SHB: variants seen among roughly 807,000 people sequenced by gnomAD.
SHB encodes SH2 domain-containing adapter protein B.
SHB carries 20 observed loss-of-function variants against 52.3 expected under a neutral mutation model. The observed-to-expected ratio is 0.38, with a 90% CI of 0.27 to 0.56. The LOEUF (loss-of-function observed/expected upper bound fraction) is 0.56. Ranked by LOEUF, SHB falls within the 20% of genes least tolerant of loss-of-function variation. The pLI, the probability that SHB is intolerant of heterozygous loss-of-function variation, is 0.71. For missense variants in SHB, 825 were observed against 723.3 expected (o/e 1.14, Z -1.61); for synonymous variants, 397 against 316.5 (o/e 1.25, Z -2.70).
In SHB at chr9:38,068,004, G is replaced by C. The variant is rs893148149; in HGVS notation, c.642C>G (p.Ala214=). ...CAGGRTWSPT[A]CGGKKLLNKC... The stretch of plus-strand genomic sequence containing the variant: ...TGTTGAGCAGTTTCTTGCCTCCGCA[G>C]GCCGTCGGGCTCCAGGTGCGGCCGC... Residue 214 remains alanine (A), a synonymous_variant, in exon 1 of 6, where the codon GCC becomes GCG. Coordinates refer to ENST00000377707, the MANE Select transcript of SHB (RefSeq NM_003028.3). 6.5e-7 allele frequency: 1 copy of C among 1,528,034 alleles called. No homozygotes were observed. Among genetic ancestry groups the C allele is most frequent in the Admixed American group, 2.0e-5 (1 of 49,898 alleles). The allele number at this position is 1,528,034 out of a possible 1,614,324, so 94.7% of individuals were successfully genotyped here. A position where few individuals can be genotyped will look rare whatever the true frequency, so the allele number is the denominator to read the frequency against.
chr9:37,950,872 T>C (rs1156342880), intron 4 of SHB, among the ~76,000 whole-genome samples: 1 of 152,208 alleles, frequency 6.6e-6, no homozygotes, highest in Non-Finnish European at 1.5e-5. Flanking sequence ...CCACCTACAA[T>C]GGTTGCAGGC....
chr9:37,920,550 C>A (rs1162907797), intron 5 of SHB, among the ~76,000 whole-genome samples: 3 of 152,216 alleles, frequency 2.0e-5, no homozygotes, highest in Non-Finnish European at 4.4e-5. Context: ...GCCACCCAGC[C>A]AGGGACTACA....
At chr9:37,992,231 T>A (rs1263345231) in intron 2 of SHB, among the ~76,000 whole-genome samples, 1 of 151,842 alleles carries the variant, frequency 6.6e-6, no homozygotes, top group African/African-American at 2.4e-5. Context: ...TGAAACCCCG[T>A]CTCTACTAAA....
At chr9:38,066,967 A>C (rs964834269) in intron 1 of SHB, among the ~76,000 whole-genome samples, 4 of 152,190 alleles carry the variant, frequency 2.6e-5, no homozygotes, top group South Asian at 4.1e-4. Flanking sequence ...ACCGGGCCTC[A>C]GATTTAATCA....
At chr9:37,938,015 T>C (rs1360735804) in intron 5 of SHB, among the ~76,000 whole-genome samples, 2 of 152,184 alleles carry the variant, frequency 1.3e-5, no homozygotes, top group Non-Finnish European at 2.9e-5. Context: ...CACGTGAAGT[T>C]AGCTGCTTCA....
At chr9:37,940,779 G>C (rs1385955079) in intron 5 of SHB, among the ~76,000 whole-genome samples, 1 of 152,168 alleles carries the variant, frequency 6.6e-6, no homozygotes, top group Non-Finnish European at 1.5e-5. Context: ...CAAGATTTCT[G>C]CTTAGGGTAT....
At chr9:37,989,278 A>G (rs1820851135) in intron 2 of SHB, among the ~76,000 whole-genome samples, 1 of 152,202 alleles carries the variant, frequency 6.6e-6, no homozygotes, top group African/African-American at 2.4e-5. Context: ...ATGAGGAATT[A>G]TCTTTATCAC....
At chr9:37,992,524 AAGAGGCTTACACTTC>A (rs143722632) in intron 2 of SHB, among the ~76,000 whole-genome samples, 4,208 of 152,316 alleles carry the variant, frequency 0.028, 181 homozygotes, top group African/African-American at 0.095. Flanking sequence ...CACTAGGCTA[AAGAGGCTTACACTTC>A]AGTGGAGGGG....
chr9:37,994,486 C>T (rs1402264960), intron 2 of SHB, among the ~76,000 whole-genome samples: 4 of 152,238 alleles, frequency 2.6e-5, no homozygotes, highest in African/African-American at 4.8e-5. Flanking sequence ...GAACTGGACT[C>T]GGGAGACTTA....
intron 3 of SHB, among the ~76,000 whole-genome samples, chr9:37,957,537 C>T (rs1308749826): frequency 3.3e-5 from 5 of 152,184 alleles, no homozygotes; most frequent in East Asian, 3.8e-4. Context: ...CCAGAGACAC[C>T]GGACCCACCC....
intron 1 of SHB, among the ~76,000 whole-genome samples, chr9:38,067,617 C>T (rs1033527050): frequency 6.6e-6 from 1 of 152,168 alleles, no homozygotes; most frequent in Admixed American, 6.5e-5. Context: ...CTAGACAGCT[C>T]TGACTCTGAC....
intron 1 of SHB, among the ~76,000 whole-genome samples, chr9:38,053,469 C>T (rs1479757964): frequency 6.6e-6 from 1 of 152,090 alleles, no homozygotes; most frequent in Non-Finnish European, 1.5e-5. Context: ...CATCTCCTGA[C>T]CTCGTGATCC....
chr9:37,958,380 G>C (rs1177193743), intron 3 of SHB, among the ~76,000 whole-genome samples: 1 of 152,194 alleles, frequency 6.6e-6, no homozygotes, highest in Non-Finnish European at 1.5e-5. Context: ...ACAGGCTGTT[G>C]ACCTAAGCGC....
chr9:37,937,946 C>A (rs749632), intron 5 of SHB, among the ~76,000 whole-genome samples: 23,553 of 152,048 alleles, frequency 0.15, 2,116 homozygotes, highest in East Asian at 0.34. Context: ...TCCCTTTGGG[C>A]TCTGACTCCC....
At chr9:38,054,199 T>C (rs949167281) in intron 1 of SHB, among the ~76,000 whole-genome samples, 1 of 152,216 alleles carries the variant, frequency 6.6e-6, no homozygotes, top group Non-Finnish European at 1.5e-5. Context: ...GGGACACACT[T>C]GGGTTCTGCT....
chr9:38,000,174 T>A (rs576445852), intron 2 of SHB, among the ~76,000 whole-genome samples: 1 of 152,270 alleles, frequency 6.6e-6, no homozygotes, highest in Non-Finnish European at 1.5e-5. Flanking sequence ...GAGCGAGAAG[T>A]CAGCGAGAAT....
At chr9:37,981,888 G>C (rs1197387516) in intron 2 of SHB, among the ~76,000 whole-genome samples, 1 of 152,128 alleles carries the variant, frequency 6.6e-6, no homozygotes, top group Non-Finnish European at 1.5e-5. Flanking sequence ...TCTTCTGTGG[G>C]TGCAGTTTGT....
chr9:37,958,975 T>C (rs544837441), intron 3 of SHB, among the ~76,000 whole-genome samples: 3 of 152,246 alleles, frequency 2.0e-5, no homozygotes, highest in South Asian at 2.1e-4. Context: ...GACAGACAAA[T>C]TGGGGCCATG....
intron 1 of SHB, among the ~76,000 whole-genome samples, chr9:38,053,541 T>C (rs1466464438): frequency 1.3e-5 from 2 of 152,132 alleles, no homozygotes; most frequent in Non-Finnish European, 2.9e-5. Context: ...CCAGCCAGAA[T>C]GGGACTCTTA....
Sources: allele counts gnomAD v4.1 joint callset (sites outside exome capture counted in the v4.1 genomes callset), GRCh38; gene constraint gnomAD v4.1.1; transcripts MANE v1.5; gene names NCBI Gene and HGNC (gene_info 2026-07-23, HGNC 2026-07-21).